Variants in COL26A1 observed in about 807,000 individuals in gnomAD.
COL26A1 encodes collagen type XXVI alpha 1 chain.
A neutral mutation model predicts 59.3 loss-of-function variants in COL26A1; 41 were observed. The ratio of observed to expected loss-of-function variants is 0.69; its 90% CI spans 0.54 to 0.90. COL26A1 has a LOEUF of 0.90. Ranked by LOEUF, COL26A1 falls within the 40% of genes least tolerant of loss-of-function variation. The pLI is 0.00. For synonymous variants in COL26A1, 266 were observed against 256.0 expected, an observed-to-expected ratio of 1.04 and a Z score of -0.37; for missense variants, 612 against 602.3, an observed-to-expected ratio of 1.02 and a Z score of -0.17.
At position 101,523,369 on chromosome 7, in the gene COL26A1, C is replaced by T. The variant is rs111498183; in HGVS notation, c.386-9713C>T. Among the ~76,000 whole-genome samples, 903 of 152,074 alleles carry T rather than the reference C, an allele frequency of 5.9e-3. 10 individuals carry two copies. Among genetic ancestry groups the T allele is most frequent in the African/African-American group, 0.02 (809 of 41,486 alleles). Reference sequence around the variant, plus strand: ...CAGGCGTGAGCCACCACACCTGGCCCGAGAAATTCTTAATTTTAATGTGGT... The same window carrying T: ...CAGGCGTGAGCCACCACACCTGGCCTGAGAAATTCTTAATTTTAATGTGGT... On this transcript the variant is annotated intron_variant, in intron 3 of 12. Transcript: ENST00000313669.
rs183667898 is a variant in COL26A1, at chr7:101,470,336, C to T, written c.385+22549C>T. ...CTTGAACTCCTGACCTCAGGTGATCCGTCCACCTCGGCCTCCCAAAGTGCT... is the reference window on the plus strand; with the variant it reads ...CTTGAACTCCTGACCTCAGGTGATCTGTCCACCTCGGCCTCCCAAAGTGCT... On this transcript the variant is annotated intron_variant, in intron 3 of 12. Coordinates refer to ENST00000313669, the MANE Select transcript of COL26A1 (RefSeq NM_001278563.3). Among the ~76,000 whole-genome samples the T allele has an allele frequency of 4.1e-3, 627 of 151,966 alleles. 3 individuals are homozygous for T. The highest frequency in any genetic ancestry group is 0.01 in the African/African-American group (418 of 41,478).
At chr7:101,545,002 G>A (rs1795700582) in intron 6 of COL26A1, among the ~76,000 whole-genome samples, 1 of 152,172 alleles carries the variant, frequency 6.6e-6, no homozygotes, top group Non-Finnish European at 1.5e-5. Flanking sequence ...GCCCAGGATG[G>A]TGGCTTATAC....
At chr7:101,459,588 A>G (rs1474719858) in intron 3 of COL26A1, among the ~76,000 whole-genome samples, 1 of 151,808 alleles carries the variant, frequency 6.6e-6, no homozygotes, top group African/African-American at 2.4e-5. Context: ...GATTACAGGC[A>G]TAAGCCACCA....
intron 3 of COL26A1, among the ~76,000 whole-genome samples, chr7:101,523,726 CATCT>C (rs780627542): frequency 1.3e-5 from 2 of 151,916 alleles, no homozygotes; most frequent in East Asian, 1.9e-4. Flanking sequence ...TTGTACCATC[CATCT>C]GTCTCGTGTC....
intron 3 of COL26A1, among the ~76,000 whole-genome samples, chr7:101,500,244 G>C (rs187136846): frequency 2.6e-4 from 39 of 147,314 alleles, no homozygotes; most frequent in Admixed American, 8.8e-4. Flanking sequence ...TTGCCGGGAG[G>C]GGGGGCAAGT....
intron 1 of COL26A1, among the ~76,000 whole-genome samples, chr7:101,377,005 C>A (rs1791333226): frequency 6.6e-6 from 1 of 151,950 alleles, no homozygotes; most frequent in Non-Finnish European, 1.5e-5. Context: ...ATTATAGGTA[C>A]CTGCCACCAC....
At chr7:101,408,873 G>A (rs1373585073) in intron 1 of COL26A1, among the ~76,000 whole-genome samples, 1 of 152,186 alleles carries the variant, frequency 6.6e-6, no homozygotes, top group Non-Finnish European at 1.5e-5. Flanking sequence ...GTTCCCAGCA[G>A]CAGTTTACTG....
intron 3 of COL26A1, among the ~76,000 whole-genome samples, chr7:101,523,406 A>AT (rs1027163360): frequency 2.6e-5 from 4 of 152,070 alleles, no homozygotes; most frequent in Admixed American, 2.6e-4. Flanking sequence ...TACTTTATCA[A>AT]TTTTTTTAAA....
intron 1 of COL26A1, among the ~76,000 whole-genome samples, chr7:101,417,672 C>A (rs1406455658): frequency 2.9e-5 from 1 of 34,016 alleles, no homozygotes; most frequent in East Asian, 6.5e-4. Context: ...AGAGATATAT[C>A]TCTATATCTA....
chr7:101,419,617 C>T lies in COL26A1; in HGVS notation c.159-360C>T, dbSNP rs74460725. ...GCCTGCTGGGCGAGATGCCCTGCTC[C>T]GTTCCTGTAGCTTGTGTGTTCACCA... On this transcript the variant is annotated intron_variant, in intron 1 of 12. Transcript: ENST00000313669. Among the ~76,000 whole-genome samples, 422 of 152,326 alleles carry T rather than the reference C, an allele frequency of 2.8e-3. 5 individuals carry two copies. The East Asian group carries it at 0.029, about 10-fold the overall frequency.
chr7:101,509,297 T>C (rs1794873872), intron 3 of COL26A1, among the ~76,000 whole-genome samples: 1 of 151,396 alleles, frequency 6.6e-6, no homozygotes, highest in African/African-American at 2.4e-5. Flanking sequence ...AATACAAAAG[T>C]TAACCAGACG....
chr7:101,533,906 C>G (rs1251520259), intron 4 of COL26A1, among the ~76,000 whole-genome samples: 1 of 152,338 alleles, frequency 6.6e-6, no homozygotes, highest in East Asian at 1.9e-4. Flanking sequence ...GGAGAAAGCC[C>G]TTGGCAGAGT....
At chr7:101,548,935 T>TGGAC in intron 8 of COL26A1, among the ~76,000 whole-genome samples, 2 of 152,252 alleles carry the variant, frequency 1.3e-5, no homozygotes, top group South Asian at 4.1e-4. Flanking sequence ...GGCTGCGTCG[T>TGGAC]GGACGAGGCC....
At chr7:101,489,603 T>C (rs143994977) in intron 3 of COL26A1, among the ~76,000 whole-genome samples, 1,441 of 29,694 alleles carry the variant, frequency 0.049, 26 homozygotes, top group African/African-American at 0.23. Context: ...TTCTTTCTTT[T>C]TCTTTCTTTC....
At chr7:101,389,531 C>T (rs1055225012) in intron 1 of COL26A1, among the ~76,000 whole-genome samples, 1 of 151,924 alleles carries the variant, frequency 6.6e-6, no homozygotes, top group African/African-American at 2.4e-5. Flanking sequence ...AGGCATGCAC[C>T]ACCATGTCCA....
chr7:101,440,577 A>G (rs1487233996), intron 2 of COL26A1, among the ~76,000 whole-genome samples: 2 of 152,174 alleles, frequency 1.3e-5, no homozygotes, highest in East Asian at 1.9e-4. Flanking sequence ...ATGGTGACAC[A>G]GTGCCACCTA....
chr7:101,442,297 G>T (rs1039641034), intron 2 of COL26A1, among the ~76,000 whole-genome samples: 2 of 151,596 alleles, frequency 1.3e-5, no homozygotes, highest in Non-Finnish European at 2.9e-5. Context: ...CAGCAAGAGG[G>T]TTGTGAGCCC....
intron 1 of COL26A1, among the ~76,000 whole-genome samples, chr7:101,371,644 T>C (rs575080053): frequency 2.0e-5 from 3 of 151,928 alleles, no homozygotes; most frequent in African/African-American, 7.2e-5. Flanking sequence ...TTTAAAAAAT[T>C]AGTTGGGCAT....
At chr7:101,460,295 G>A (rs1305217771) in intron 3 of COL26A1, among the ~76,000 whole-genome samples, 1 of 152,146 alleles carries the variant, frequency 6.6e-6, no homozygotes, top group African/African-American at 2.4e-5. Context: ...AGGTACGATT[G>A]AGGTGTTGTG....
Sources: gnomAD v4.1 joint callset for allele counts (sites outside exome capture counted in the v4.1 genomes callset) on GRCh38, gnomAD v4.1.1 for gene constraint, MANE v1.5 for transcripts, NCBI Gene and HGNC (gene_info 2026-07-23, HGNC 2026-07-21) for gene names.